The following KCNN2 variants were observed in gnomAD, a reference collection of about 807,000 sequenced individuals.
KCNN2 encodes small conductance calcium-activated potassium channel protein 2.
In KCNN2, 24 loss-of-function variants were observed where a neutral mutation model predicts 55.5. The observed-to-expected ratio is 0.43, with a 90% CI of 0.31 to 0.61. The LOEUF (loss-of-function observed/expected upper bound fraction) is 0.61, where lower values mean the gene tolerates loss of function less well. Among genes scored for constraint, KCNN2 ranks in the 20% least tolerant of loss-of-function variants. KCNN2 has a pLI of 0.08. For synonymous variants in KCNN2, 431 were observed against 336.1 expected (o/e 1.28, Z -3.09); for missense variants, 754 against 853.6 (o/e 0.88, Z 1.45).
chr5:114,312,418 CACACACACACACACACATAT>C lies in KCNN2; in HGVS notation c.-184-48525_-184-48506del, dbSNP rs1228928687. ...ACACACACACACACACACACACACACACACACACACACACACATATATATATATATATATATATATATATA... is the reference window on the plus strand; with the variant it reads ...ACACACACACACACACACACACACACATATATATATATATATATATATATA... On this transcript the variant is annotated intron_variant, in intron 2 of 10. Coordinates refer to the KCNN2 transcript ENST00000512097. Among the ~76,000 whole-genome samples, 62 of 70,856 alleles carry C rather than the reference CACACACACACACACACATAT, an allele frequency of 8.8e-4. No homozygotes were observed. The East Asian group carries it at 9.0e-3, about 10-fold the overall frequency. 46.5% of individuals were successfully genotyped at this position (70,856 alleles called of 152,430 possible).
intron 1 of KCNN2, among the ~76,000 whole-genome samples, chr5:114,162,472 C>T (rs964456646): frequency 8.5e-5 from 13 of 152,222 alleles, no homozygotes. Context: ...AGGAGGCAGT[C>T]TGCCCTTTCT....
intron 1 of KCNN2, among the ~76,000 whole-genome samples, chr5:114,175,107 G>C (rs1277292685): frequency 6.6e-6 from 1 of 152,164 alleles, no homozygotes. Flanking sequence ...GCAAGAGGTA[G>C]TTATAAGCTG....
chr5:114,276,318 G>A (rs1340156984), intron 2 of KCNN2, among the ~76,000 whole-genome samples: 1 of 152,148 alleles, frequency 6.6e-6, no homozygotes, highest in Non-Finnish European at 1.5e-5. Flanking sequence ...GATTTGGGGT[G>A]GAGAGTTCTG....
chr5:114,222,951 A>G (rs1391761450), intron 2 of KCNN2, among the ~76,000 whole-genome samples: 1 of 152,206 alleles, frequency 6.6e-6, no homozygotes, highest in Admixed American at 6.5e-5. Flanking sequence ...ATCTTAGGGC[A>G]GCAGATGAAT....
intron 1 of KCNN2, among the ~76,000 whole-genome samples, chr5:114,157,583 T>C (rs1277655185): frequency 6.6e-6 from 1 of 152,198 alleles, no homozygotes; most frequent in Non-Finnish European, 1.5e-5. Context: ...ATTGCCACAC[T>C]GACTTCCACA....
chr5:114,412,228 A>G (rs1171794774), intron 3 of KCNN2, among the ~76,000 whole-genome samples: 1 of 152,200 alleles, frequency 6.6e-6, no homozygotes, highest in Middle Eastern at 3.2e-3. Context: ...TCTTGTACAT[A>G]CTGATTTAAA....
intron 1 of KCNN2, among the ~76,000 whole-genome samples, chr5:114,076,144 G>A (rs761921278): frequency 2.0e-5 from 3 of 152,200 alleles, no homozygotes; most frequent in Non-Finnish European, 4.4e-5. Flanking sequence ...GTCCCAGTTG[G>A]ATATTGTGGA....
At chr5:114,338,422 T>G (rs1280766519) in intron 2 of KCNN2, among the ~76,000 whole-genome samples, 1 of 152,208 alleles carries the variant, frequency 6.6e-6, no homozygotes, top group Non-Finnish European at 1.5e-5. Context: ...AAAGGTCCTT[T>G]CAATGTCCTT....
At chr5:114,159,236 C>A (rs1047384666) in intron 1 of KCNN2, among the ~76,000 whole-genome samples, 1 of 152,046 alleles carries the variant, frequency 6.6e-6, no homozygotes, top group Non-Finnish European at 1.5e-5. Context: ...TTGTCAAAGG[C>A]CTTTTCTGCA....
chr5:114,487,512 A>G (rs1747632481), intron 6 of KCNN2, among the ~76,000 whole-genome samples: 1 of 152,192 alleles, frequency 6.6e-6, no homozygotes, highest in Non-Finnish European at 1.5e-5. Flanking sequence ...TTTTCTAAAC[A>G]TAGCTTCAAA....
Position 114,215,952 on chromosome 5 carries a change from G to A in KCNN2, c.-270-5528G>A, listed in dbSNP as rs138184500. ...TTAAAAGCATTTTAATGAACTAGCCGATTACCCAAAGTATCCTCAGGGACA... is the reference window on the plus strand; with the variant it reads ...TTAAAAGCATTTTAATGAACTAGCCAATTACCCAAAGTATCCTCAGGGACA... On this transcript the variant is annotated intron_variant, in intron 1 of 10. Coordinates refer to the KCNN2 transcript ENST00000512097. Among the ~76,000 whole-genome samples the A allele has an allele frequency of 2.9e-3, 439 of 152,106 alleles. 3 individuals are homozygous for A. The highest frequency in any genetic ancestry group is 9.9e-3 in the African/African-American group (411 of 41,528).
chr5:114,288,691 C>G (rs962226673), intron 2 of KCNN2, among the ~76,000 whole-genome samples: 3 of 151,776 alleles, frequency 2.0e-5, no homozygotes, highest in South Asian at 2.1e-4. Context: ...CTACTCAAGC[C>G]CTTAGTTCAT....
Position 114,477,741 on chromosome 5 carries a change from C to G in KCNN2, c.1890+4577C>G, listed in dbSNP as rs966642582. On this transcript the variant is annotated intron_variant, in intron 5 of 7. Coordinates refer to ENST00000673685, the MANE Select transcript of KCNN2 (RefSeq NM_021614.4). Reference sequence around the variant, plus strand: ...TCTTGTAGTTTGATCCCCAGAATACCTTTTTGGAAAAGAAACTTGAAAACA... The same window carrying G: ...TCTTGTAGTTTGATCCCCAGAATACGTTTTTGGAAAAGAAACTTGAAAACA... Among the ~76,000 whole-genome samples the G allele has an allele frequency of 4.6e-5, 7 of 152,052 alleles. No individual in the cohort carries two copies. In the East Asian group the frequency reaches 5.8e-4, roughly 13 times the overall value.
intron 1 of KCNN2, among the ~76,000 whole-genome samples, chr5:114,184,998 G>T (rs2112556915): frequency 6.6e-6 from 1 of 152,310 alleles, no homozygotes; most frequent in East Asian, 1.9e-4. Context: ...ATTCTAGCAA[G>T]GCTGTTTTTG....
At chr5:114,339,927 T>C (rs1461804310) in intron 2 of KCNN2, among the ~76,000 whole-genome samples, 1 of 152,184 alleles carries the variant, frequency 6.6e-6, no homozygotes, top group Non-Finnish European at 1.5e-5. Context: ...GGCCAGTTTC[T>C]TTTAGGAAGA....
chr5:114,192,662 T>A lies in KCNN2; in HGVS notation c.-270-28818T>A, dbSNP rs528016666. Among the ~76,000 whole-genome samples, 71 of 152,246 alleles carry A rather than the reference T, an allele frequency of 4.7e-4. 1 individual carries two copies. Among genetic ancestry groups the A allele is most frequent in the African/African-American group, 1.6e-3 (66 of 41,572 alleles). Reference sequence around the variant, plus strand: ...TTCTTGTAGCTACTGTGCACGGTCATATGTCGACCTGGAAATAATCTTTGT... The same window carrying A: ...TTCTTGTAGCTACTGTGCACGGTCAAATGTCGACCTGGAAATAATCTTTGT... On this transcript the variant is annotated intron_variant, in intron 1 of 10. Transcript: ENST00000512097.
At chr5:114,358,554 G>T (rs958434414), upstream of KCNN2, among the ~76,000 whole-genome samples, 3 of 152,064 alleles carry the variant, frequency 2.0e-5, no homozygotes, top group Admixed American at 6.6e-5. Flanking sequence ...GTTAATCTAG[G>T]GAAATTCTCT....
intron 2 of KCNN2, among the ~76,000 whole-genome samples, chr5:114,310,987 GAC>G (rs1756381820): frequency 6.6e-6 from 1 of 152,030 alleles, no homozygotes; most frequent in African/African-American, 2.4e-5. Flanking sequence ...GCTGCCTCTT[GAC>G]AGTTTCCTGC....
rs544405101 is a variant in KCNN2, at chr5:114,136,377, G to A, written c.-271+79877G>A. Among the ~76,000 whole-genome samples, 28 of 152,288 alleles carry A rather than the reference G, an allele frequency of 1.8e-4. No individual in the cohort carries two copies. The South Asian group carries it at 4.8e-3, about 26-fold the overall frequency. ...GGGATGATGCAACACAGAGGGCTTT[G>A]CCAGATGCTTGTGCTGTGCTCTTAG... is the stretch of plus-strand genomic sequence containing the variant. On this transcript the variant is annotated intron_variant, in intron 1 of 10. Coordinates refer to the KCNN2 transcript ENST00000512097.
Sources: allele counts gnomAD v4.1 joint callset (sites outside exome capture counted in the v4.1 genomes callset), GRCh38; gene constraint gnomAD v4.1.1; transcripts MANE v1.5; gene names NCBI Gene and HGNC (gene_info 2026-07-23, HGNC 2026-07-21).